Variants in PCSK2 observed in about 807,000 individuals in gnomAD.
The protein encoded by PCSK2 is neuroendocrine convertase 2.
A neutral mutation model predicts 69.7 loss-of-function variants in PCSK2; 14 were observed. The observed-to-expected ratio is 0.20, with a 90% CI of 0.13 to 0.31. The LOEUF is 0.31. PCSK2 is among the 10% of genes least tolerant of loss of function. The pLI, the probability that PCSK2 is intolerant of heterozygous loss-of-function variation, is 1.00. For missense variants in PCSK2, 544 were observed against 842.5 expected, an observed-to-expected ratio of 0.65 and a Z score of 4.39; for synonymous variants, 307 against 320.7, an observed-to-expected ratio of 0.96 and a Z score of 0.46.
chr20:17,369,684 GA>G (rs776770648), intron 5 of PCSK2, among the ~76,000 whole-genome samples: 20 of 152,238 alleles, frequency 1.3e-4, no homozygotes, highest in Non-Finnish European at 2.5e-4. Flanking sequence ...ACATCTGAAA[GA>G]GCAGAGTGCC....
intron 2 of PCSK2, among the ~76,000 whole-genome samples, chr20:17,274,983 G>C (rs924958646): frequency 4.6e-5 from 7 of 151,408 alleles, no homozygotes; most frequent in Middle Eastern, 3.2e-3. Flanking sequence ...TTTTTGTGGT[G>C]TTTATATTTA....
intron 1 of PCSK2, among the ~76,000 whole-genome samples, chr20:17,250,828 A>G (rs894074953): frequency 1.2e-4 from 19 of 152,164 alleles, no homozygotes; most frequent in African/African-American, 3.6e-4. Context: ...GGCCAGATGC[A>G]GTGGCTCACA....
At chr20:17,252,780 G>T (rs1445665656) in intron 1 of PCSK2, among the ~76,000 whole-genome samples, 1 of 152,110 alleles carries the variant, frequency 6.6e-6, no homozygotes, top group African/African-American at 2.4e-5. Context: ...CAAACACAGT[G>T]CCTGGCTTAT....
At chr20:17,385,865 C>T (rs1486347438) in intron 5 of PCSK2, among the ~76,000 whole-genome samples, 5 of 152,166 alleles carry the variant, frequency 3.3e-5, no homozygotes, top group African/African-American at 1.2e-4. Flanking sequence ...AGAAAGAGTA[C>T]AAGTATGAAC....
intron 2 of PCSK2, among the ~76,000 whole-genome samples, chr20:17,288,668 A>G (rs1988598824): frequency 6.6e-6 from 1 of 152,214 alleles, no homozygotes; most frequent in African/African-American, 2.4e-5. Flanking sequence ...GAGAAGGGCA[A>G]ATTTGGACAC....
chr20:17,328,943 G>T (rs538124551), intron 2 of PCSK2, among the ~76,000 whole-genome samples: 1 of 152,148 alleles, frequency 6.6e-6, no homozygotes, highest in African/African-American at 2.4e-5. Context: ...GACATCCTGT[G>T]GGTGATCTTC....
At chr20:17,344,522 C>T (rs1456194989) in intron 2 of PCSK2, among the ~76,000 whole-genome samples, 1 of 152,210 alleles carries the variant, frequency 6.6e-6, no homozygotes, top group African/African-American at 2.4e-5. Context: ...AGTGAATCTT[C>T]TCTCCTCTTA....
chr20:17,414,577 C>G (rs186850044), intron 6 of PCSK2, among the ~76,000 whole-genome samples: 1 of 152,096 alleles, frequency 6.6e-6, no homozygotes, highest in Non-Finnish European at 1.5e-5. Flanking sequence ...CAGGACCAGA[C>G]GGATTCACAG....
At chr20:17,462,005 AC>A in intron 10 of PCSK2, among the ~76,000 whole-genome samples, 1 of 152,120 alleles carries the variant, frequency 6.6e-6, no homozygotes, top group East Asian at 1.9e-4. Flanking sequence ...ATGCTTGCTG[AC>A]CCCTGGACCC....
At chr20:17,344,287 C>T (rs78324455) in intron 2 of PCSK2, among the ~76,000 whole-genome samples, 8,367 of 152,282 alleles carry the variant, frequency 0.055, 466 homozygotes, top group South Asian at 0.26. Flanking sequence ...TCTCCAGCTG[C>T]CTGGTGCTGG....
At chr20:17,383,023 A>C (rs867190043) in intron 5 of PCSK2, among the ~76,000 whole-genome samples, 2 of 152,112 alleles carry the variant, frequency 1.3e-5, no homozygotes, top group African/African-American at 4.8e-5. Flanking sequence ...GTGTTCCCCC[A>C]TTAGAATGTC....
chr20:17,363,844 G>A (rs2030491514), intron 4 of PCSK2, among the ~76,000 whole-genome samples: 1 of 152,184 alleles, frequency 6.6e-6, no homozygotes. Flanking sequence ...CCCTAAGGTT[G>A]GTATTATTAT....
At chr20:17,303,456 TA>T (rs1246686128) in intron 2 of PCSK2, among the ~76,000 whole-genome samples, 1 of 55,302 alleles carries the variant, frequency 1.8e-5, no homozygotes, top group African/African-American at 6.9e-5. Flanking sequence ...TATATTATAT[TA>T]AATATAATAT....
chr20:17,432,279 CT>C (rs1416638919), intron 7 of PCSK2, among the ~76,000 whole-genome samples: 2 of 152,122 alleles, frequency 1.3e-5, no homozygotes, highest in East Asian at 3.9e-4. Context: ...AGGTTAGCCC[CT>C]AACCCATTTT....
rs1170971390 is a variant in PCSK2, at chr20:17,329,900, T to A, written c.283-28427T>A. Among the ~76,000 whole-genome samples, 10 of 152,210 alleles carry A rather than the reference T, an allele frequency of 6.6e-5. 1 individual carries two copies. Among genetic ancestry groups the A allele is most frequent in the Admixed American group, 6.5e-4 (10 of 15,280 alleles). On this transcript the variant is annotated intron_variant, in intron 2 of 11. Transcript: ENST00000262545. ...CTCCACACCCCGGAGGTAATCATTA[T>A]TATCATTAGTTTGGTATCTATCTTT...
intron 2 of PCSK2, among the ~76,000 whole-genome samples, chr20:17,309,823 GAGAAGA>G (rs71192373): frequency 3.4e-5 from 5 of 147,444 alleles, no homozygotes; most frequent in African/African-American, 1.3e-4. Context: ...ATCAAAAGGA[GAGAAGA>G]AGAAGAAGAA....
intron 11 of PCSK2, among the ~76,000 whole-genome samples, chr20:17,477,147 C>A (rs774752855): frequency 6.6e-5 from 10 of 152,308 alleles, no homozygotes; most frequent in Non-Finnish European, 1.2e-4. Flanking sequence ...AATGCAGAAC[C>A]AAGGCTTGAC....
chr20:17,251,193 A>C (rs2122976181), intron 1 of PCSK2, among the ~76,000 whole-genome samples: 1 of 152,340 alleles, frequency 6.6e-6, no homozygotes, highest in African/African-American at 2.4e-5. Flanking sequence ...TGTTCAAAGT[A>C]GAAAGTTTTT....
At chr20:17,430,234 C>A (rs988250425) in intron 7 of PCSK2, among the ~76,000 whole-genome samples, 1 of 152,024 alleles carries the variant, frequency 6.6e-6, no homozygotes, top group Non-Finnish European at 1.5e-5. Context: ...GAGAGAGAGA[C>A]ACAGACAGAG....
Sources: allele counts gnomAD v4.1 joint callset (sites outside exome capture counted in the v4.1 genomes callset), GRCh38; gene constraint gnomAD v4.1.1; transcripts MANE v1.5; gene names NCBI Gene and HGNC (gene_info 2026-07-23, HGNC 2026-07-21).